PPP1R9A: variants seen among roughly 807,000 people sequenced by gnomAD.
PPP1R9A encodes neurabin-1.
In PPP1R9A, 59 loss-of-function variants were observed where a neutral mutation model predicts 141.9. The observed-to-expected ratio is 0.42, with a 90% CI of 0.34 to 0.52. The LOEUF (loss-of-function observed/expected upper bound fraction) is 0.52, where lower values mean the gene tolerates loss of function less well. Ranked by LOEUF, PPP1R9A falls within the 20% of genes least tolerant of loss-of-function variation. PPP1R9A has a pLI of 0.10. For synonymous variants in PPP1R9A, 500 were observed against 569.7 expected (o/e 0.88, Z 1.74); for missense variants, 1,444 against 1,611.9 (o/e 0.90, Z 1.78).
At chr7:95,011,876 T>C (rs999677874) in intron 2 of PPP1R9A, among the ~76,000 whole-genome samples, 1 of 152,192 alleles carries the variant, frequency 6.6e-6, no homozygotes, top group African/African-American at 2.4e-5. Context: ...TGGACTGATG[T>C]GCTATGTCAT....
Position 95,274,132 on chromosome 7 carries a change from A to C in PPP1R9A, c.3260A>C (p.Lys1087Thr). 1 of 1,583,236 alleles carries C rather than the reference A, an allele frequency of 6.3e-7. No individual in the cohort carries two copies. The highest frequency in any genetic ancestry group is 8.5e-7 in the Non-Finnish European group (1 of 1,170,792). Residue 1087 changes from lysine (K) to threonine (T), a missense_variant, in exon 16 of 20, where the codon AAA (lysine) becomes ACA (threonine). Physicochemically the swap from Lys to Thr is moderately conservative, Grantham distance 78 (BLOSUM62 -1). Around this residue, in one of 5 missense-constraint regions of PPP1R9A, gnomAD observed 459 missense variants for 513.8 expected, o/e 0.89. Coordinates refer to ENST00000433360, the MANE Select transcript of PPP1R9A (RefSeq NM_001166160.2). ...NSSKGKKWKE[K>T]EKEASRFSAG... Reference sequence around the variant, plus strand: ...AGCAAGGGAAAGAAGTGGAAAGAAAAAGAAAAAGAAGCCAGTAGGTTTTCT... The same window carrying C: ...AGCAAGGGAAAGAAGTGGAAAGAAACAGAAAAAGAAGCCAGTAGGTTTTCT...
chr7:95,143,212 C>T (rs181679545), intron 4 of PPP1R9A, among the ~76,000 whole-genome samples: 225 of 152,174 alleles, frequency 1.5e-3, no homozygotes, highest in Non-Finnish European at 2.7e-3. Context: ...AATGAACTGT[C>T]GTATCTTCCT....
intron 2 of PPP1R9A, among the ~76,000 whole-genome samples, chr7:94,924,376 T>C (rs1793198900): frequency 6.6e-6 from 1 of 152,190 alleles, no homozygotes. Context: ...CTGTGAGTAG[T>C]AGCATTAGTG....
chr7:95,181,684 C>T lies in PPP1R9A; in HGVS notation c.1755-16665C>T, dbSNP rs181113910. Among the ~76,000 whole-genome samples the T allele has an allele frequency of 2.9e-3, 340 of 117,044 alleles. 1 individual carries two copies. Among genetic ancestry groups the T allele is most frequent in the Middle Eastern group, 6.4e-3 (1 of 156 alleles). The allele number at this position is 117,044 out of a possible 152,430, so 76.8% of individuals were successfully genotyped here. A position where few individuals can be genotyped will look rare whatever the true frequency, so the allele number is the denominator to read the frequency against. On this transcript the variant is annotated intron_variant, in intron 5 of 19. Coordinates refer to ENST00000433360, the MANE Select transcript of PPP1R9A (RefSeq NM_001166160.2). ...ATATATATAGAATATATATATATTCCGTCACATATATATAGAATATATATA... is the reference window on the plus strand; with the variant it reads ...ATATATATAGAATATATATATATTCTGTCACATATATATAGAATATATATA...
intron 2 of PPP1R9A, among the ~76,000 whole-genome samples, chr7:95,087,292 C>T (rs1384907687): frequency 6.6e-6 from 1 of 151,924 alleles, no homozygotes. Context: ...ATTGCTAACC[C>T]GTTTTAGATT....
chr7:95,050,542 A>G (rs1167252910), intron 2 of PPP1R9A, among the ~76,000 whole-genome samples: 1 of 152,146 alleles, frequency 6.6e-6, no homozygotes, highest in Non-Finnish European at 1.5e-5. Flanking sequence ...AGCCTGACCA[A>G]TGTGGTGATA....
chr7:95,009,156 T>G (rs1804053253), intron 2 of PPP1R9A, among the ~76,000 whole-genome samples: 1 of 151,192 alleles, frequency 6.6e-6, no homozygotes, highest in Non-Finnish European at 1.5e-5. Context: ...TGTCATGGGG[T>G]CGGGGAAGGG....
At chr7:95,273,335 C>A (rs1043205499) in intron 14 of PPP1R9A, among the ~76,000 whole-genome samples, 2 of 152,180 alleles carry the variant, frequency 1.3e-5, no homozygotes, top group Non-Finnish European at 2.9e-5. Flanking sequence ...TCCCCCATGT[C>A]CTCCCCTCCT....
intron 2 of PPP1R9A, among the ~76,000 whole-genome samples, chr7:95,078,146 T>A (rs1452705324): frequency 1.9e-5 from 2 of 104,692 alleles, no homozygotes; most frequent in African/African-American, 7.6e-5. Context: ...CCACCCCACA[T>A]CAGTCCCCAG....
chr7:94,969,747 G>A (rs116036998), intron 2 of PPP1R9A, among the ~76,000 whole-genome samples: 331 of 152,252 alleles, frequency 2.2e-3, no homozygotes, highest in African/African-American at 7.8e-3. Flanking sequence ...TGCGCCCAGA[G>A]CCACCCTTTC....
chr7:95,025,411 C>G (rs1806681281), intron 2 of PPP1R9A, among the ~76,000 whole-genome samples: 1 of 152,140 alleles, frequency 6.6e-6, no homozygotes, highest in African/African-American at 2.4e-5. Context: ...CCACTCTCTT[C>G]TGGCTTGTAG....
At chr7:94,988,285 T>C (rs1801093284) in intron 2 of PPP1R9A, among the ~76,000 whole-genome samples, 1 of 152,144 alleles carries the variant, frequency 6.6e-6, no homozygotes, top group African/African-American at 2.4e-5. Context: ...AAAAGTCTTT[T>C]ATAATTTGAC....
At chr7:95,026,982 G>C (rs1806944876) in intron 2 of PPP1R9A, among the ~76,000 whole-genome samples, 1 of 152,128 alleles carries the variant, frequency 6.6e-6, no homozygotes, top group African/African-American at 2.4e-5. Context: ...TGTGCTGGTA[G>C]TGAGAATTTC....
intron 2 of PPP1R9A, among the ~76,000 whole-genome samples, chr7:95,041,132 A>G (rs1809167744): frequency 6.6e-6 from 1 of 152,206 alleles, no homozygotes; most frequent in African/African-American, 2.4e-5. Context: ...CATTTGGGAA[A>G]GGGAACAGGA....
At chr7:94,921,321 C>T (rs1792789592) in intron 2 of PPP1R9A, among the ~76,000 whole-genome samples, 1 of 151,886 alleles carries the variant, frequency 6.6e-6, no homozygotes, top group Admixed American at 6.6e-5. Flanking sequence ...GTTGCGGGCG[C>T]CTGTAGTCCC....
At chr7:95,244,445 T>G (rs1023336970) in intron 8 of PPP1R9A, among the ~76,000 whole-genome samples, 3 of 152,150 alleles carry the variant, frequency 2.0e-5, no homozygotes, top group African/African-American at 7.2e-5. Flanking sequence ...ACACCTGTTG[T>G]ATGTGAAAGG....
chr7:95,074,538 G>A (rs1268844808), intron 2 of PPP1R9A, among the ~76,000 whole-genome samples: 2 of 149,724 alleles, frequency 1.3e-5, no homozygotes, highest in South Asian at 2.1e-4. Flanking sequence ...GCAATGGCGC[G>A]ATCTTGGCTC....
intron 4 of PPP1R9A, chr7:95,157,021 G>A (rs1461562528): frequency 6.6e-6 from 1 of 152,516 alleles, no homozygotes; most frequent in Non-Finnish European, 1.5e-5. Context: ...AAACCACCAC[G>A]AGTTTGCCCT....
intron 5 of PPP1R9A, among the ~76,000 whole-genome samples, chr7:95,196,489 CTT>C (rs1836301754): frequency 6.6e-6 from 1 of 152,098 alleles, no homozygotes; most frequent in Non-Finnish European, 1.5e-5. Flanking sequence ...GAAATGAAAA[CTT>C]ATGTTCACAT....
Sources: allele counts gnomAD v4.1 joint callset (sites outside exome capture counted in the v4.1 genomes callset), GRCh38; gene constraint gnomAD v4.1.1; regional missense constraint gnomAD v4.1.1; transcripts MANE v1.5; gene names NCBI Gene and HGNC (gene_info 2026-07-23, HGNC 2026-07-21).